The following PKHD1 variants were observed in gnomAD, a reference collection of about 807,000 sequenced individuals.
PKHD1 encodes PKHD1 ciliary IPT domain containing fibrocystin/polyductin, also known as fibrocystin.
Under a neutral mutation model 412.0 loss-of-function variants are expected in PKHD1, and 291 were observed. The ratio of observed to expected loss-of-function variants is 0.71; its 90% CI spans 0.64 to 0.78. The LOEUF (loss-of-function observed/expected upper bound fraction) is 0.78. Among genes scored for constraint, PKHD1 ranks in the 30% least tolerant of loss-of-function variants. PKHD1 has a pLI of 0.00. For synonymous variants in PKHD1, 1,777 were observed against 1,821.5 expected (o/e 0.98, Z 0.62); for missense variants, 4,825 against 4,950.7 (o/e 0.97, Z 0.76).
chr6:52,055,663 C>A lies in PKHD1; in HGVS notation c.1760G>T (p.Ser587Ile), dbSNP rs769095204. The A allele has an allele frequency of 4.3e-6, 7 of 1,613,520 alleles. No individual in the cohort carries two copies. In the Admixed American group the frequency reaches 6.7e-5, roughly 15 times the overall value. Residue 587 changes from serine (S) to isoleucine (I), a missense_variant, in exon 19 of 67, where the codon AGC (serine) becomes ATC (isoleucine). Coordinates refer to ENST00000371117, the MANE Select transcript of PKHD1 (RefSeq NM_138694.4). ...GACAAGGTGTCGAGGCTGACGGAGG[C>A]TGAACCTGCCACAGAAGGGCTCCGT... ...SGTEPFCGRFSLRQPRHLVLT... is the reference protein window; with the variant it reads ...SGTEPFCGRFILRQPRHLVLT...
chr6:52,021,738 C>G (rs373072351), intron 33 of PKHD1, among the ~76,000 whole-genome samples: 1 of 151,866 alleles, frequency 6.6e-6, no homozygotes, highest in South Asian at 2.1e-4. Context: ...TTTCTCCTCC[C>G]CTTCTTCTTC....
At chr6:51,663,059 G>A (rs777833247) in intron 60 of PKHD1, among the ~76,000 whole-genome samples, 3 of 151,894 alleles carry the variant, frequency 2.0e-5, no homozygotes, top group Non-Finnish European at 4.4e-5. Flanking sequence ...CAGTATGAAG[G>A]CAAATTAATT....
chr6:52,074,481 C>T (rs1267875869), intron 6 of PKHD1, among the ~76,000 whole-genome samples: 1 of 152,142 alleles, frequency 6.6e-6, no homozygotes, highest in Admixed American at 6.5e-5. Flanking sequence ...CAGAATAATT[C>T]TAATTTTAAT....
intron 60 of PKHD1, chr6:51,721,151 C>T: frequency 2.1e-6 from 2 of 956,402 alleles, no homozygotes; most frequent in East Asian, 1.2e-4. Flanking sequence ...ACACTGGGCA[C>T]ATGGGAGTTA....
At position 52,076,287 on chromosome 6, in the gene PKHD1, C is replaced by T. The variant is rs757914423; in HGVS notation, c.437G>A (p.Ser146Asn). Residue 146 changes from serine (S) to asparagine (N), a missense_variant, in exon 6 of 67, where the codon AGT becomes AAT. By Grantham distance (46) the Ser-to-Asn change is conservative (BLOSUM62 1). Coordinates refer to ENST00000371117, the MANE Select transcript of PKHD1 (RefSeq NM_138694.4). ...AGAAGATTTCTTACCTGGAACACCA[C>T]TTGGTGGATAAACTTGGTGAACGAT... is the stretch of plus-strand genomic sequence containing the variant. ...TPIVHQVYPP[S>N]GVPGKLIHVY... The T allele has an allele frequency of 1.7e-5, 28 of 1,610,310 alleles. No individual in the cohort carries two copies. The highest frequency in any genetic ancestry group is 2.4e-5 in the Non-Finnish European group (28 of 1,176,728).
chr6:51,850,706 G>A (rs1281159650), intron 49 of PKHD1, among the ~76,000 whole-genome samples: 1 of 152,138 alleles, frequency 6.6e-6, no homozygotes, highest in Non-Finnish European at 1.5e-5. Context: ...CCTATTGTTG[G>A]TGTAAAGGAA....
intron 55 of PKHD1, among the ~76,000 whole-genome samples, chr6:51,764,580 C>G (rs1033572163): frequency 6.6e-6 from 1 of 150,624 alleles, no homozygotes; most frequent in African/African-American, 2.4e-5. Context: ...ACCCAAATGA[C>G]TATAAATCAT....
chr6:52,044,985 G>C lies in PKHD1; in HGVS notation c.2696C>G (p.Thr899Ser). The change falls in exon 25 of 67, where the codon ACT becomes AGT. Residue 899 changes from threonine to serine, a missense_variant. Thr to Ser is a moderately conservative substitution (Grantham distance 58). Transcript: ENST00000371117. ...TCTCACCTGAGTATGCTGGTTGGCAGTAGCCAACATGTCTCCAAATATGGG... is the reference window on the plus strand; with the variant it reads ...TCTCACCTGAGTATGCTGGTTGGCACTAGCCAACATGTCTCCAAATATGGG... Reference protein sequence around the residue: ...LGPIFGDMLATANQHTQVVVR... With the variant: ...LGPIFGDMLASANQHTQVVVR... The C allele has an allele frequency of 6.2e-7, 1 of 1,613,518 alleles. No homozygotes were observed.
intron 63 of PKHD1, among the ~76,000 whole-genome samples, chr6:51,647,040 G>C (rs1770174215): frequency 1.3e-5 from 2 of 152,120 alleles, no homozygotes; most frequent in South Asian, 4.1e-4. Context: ...TCCAGCACCT[G>C]TCTCACTTTT....
At chr6:52,058,893 G>A (rs1157544871) in intron 15 of PKHD1, among the ~76,000 whole-genome samples, 1 of 152,122 alleles carries the variant, frequency 6.6e-6, no homozygotes, top group Non-Finnish European at 1.5e-5. Context: ...AGGATTACAT[G>A]ACACTATGGA....
intron 48 of PKHD1, among the ~76,000 whole-genome samples, chr6:51,863,861 TA>T (rs1774612540): frequency 6.6e-6 from 1 of 152,204 alleles, no homozygotes; most frequent in Non-Finnish European, 1.5e-5. Context: ...TTTTTATTTA[TA>T]TTTTTTTACT....
At chr6:51,710,741 T>A (rs1407780669) in intron 60 of PKHD1, among the ~76,000 whole-genome samples, 1 of 152,154 alleles carries the variant, frequency 6.6e-6, no homozygotes, top group Non-Finnish European at 1.5e-5. Context: ...TATTAGGCAG[T>A]AATCTTATGT....
In PKHD1 at chr6:52,064,988, C is replaced by T. The variant is rs1809307617; in HGVS notation, c.943G>A (p.Gly315Arg). The T allele has an allele frequency of 1.2e-6, 2 of 1,604,762 alleles. No homozygotes were observed. Among genetic ancestry groups the T allele is most frequent in the Non-Finnish European group, 8.5e-7 (1 of 1,176,296 alleles). The change falls in exon 13 of 67, where the codon GGA becomes AGA. Residue 315 changes from glycine (G) to arginine (R), a missense_variant. By Grantham distance (125) the Gly-to-Arg change is moderately radical (BLOSUM62 -2). Coordinates refer to ENST00000371117, the MANE Select transcript of PKHD1 (RefSeq NM_138694.4). ...RKIECTTRAP[G>R]KDVRLTTPQP... ...GGGGTGGTGAGCCTCACATCTTTTC[C>T]TGGAGCCCGAGTGGTGCACTCAATC...
chr6:51,638,967 G>A lies in PKHD1; in HGVS notation c.11399-11C>T. Reference sequence around the variant, plus strand: ...CTGCCTGGGTGCACCCTACAAAAAAGTACAAAACAAAAATTAGCTGTTTAT... The same window carrying A: ...CTGCCTGGGTGCACCCTACAAAAAAATACAAAACAAAAATTAGCTGTTTAT... On this transcript the variant is annotated splice_polypyrimidine_tract_variant and intron_variant, in intron 63 of 66. Transcript: ENST00000371117. 1.3e-6 allele frequency: 2 copies of A among 1,581,924 alleles called. No individual in the cohort carries two copies. Among genetic ancestry groups the A allele is most frequent in the Non-Finnish European group, 1.7e-6 (2 of 1,150,714 alleles).
At chr6:51,914,313 C>T (rs763824195) in intron 37 of PKHD1, among the ~76,000 whole-genome samples, 2 of 152,072 alleles carry the variant, frequency 1.3e-5, no homozygotes, top group Non-Finnish European at 2.9e-5. Flanking sequence ...AAAAAAGTTA[C>T]ATCTTTGTAA....
At chr6:51,885,839 CAAT>C (rs1778118573) in intron 45 of PKHD1, 25 bp downstream of exon 45, 3 of 1,396,596 alleles carry the variant, frequency 2.1e-6, no homozygotes, top group Non-Finnish European at 3.0e-6. Context: ...AAAACAACAA[CAAT>C]AACAACAACA....
intron 36 of PKHD1, among the ~76,000 whole-genome samples, chr6:51,948,572 G>A (rs919785391): frequency 7.9e-5 from 12 of 152,164 alleles, no homozygotes; most frequent in Admixed American, 7.9e-4. Flanking sequence ...AACACCATGA[G>A]AGCAAGATTT....
At chr6:51,658,533 T>C (rs1772260020) in intron 61 of PKHD1, among the ~76,000 whole-genome samples, 1 of 152,114 alleles carries the variant, frequency 6.6e-6, no homozygotes, top group African/African-American at 2.4e-5. Context: ...TAATAGCTTA[T>C]TAGCACTATC....
intron 33 of PKHD1, among the ~76,000 whole-genome samples, chr6:52,022,247 T>C (rs1393226287): frequency 6.6e-6 from 1 of 152,234 alleles, no homozygotes; most frequent in Non-Finnish European, 1.5e-5. Context: ...TTGTGGTGTT[T>C]TACTGAATAA....
Sources: allele counts gnomAD v4.1 joint callset (sites outside exome capture counted in the v4.1 genomes callset), GRCh38; gene constraint gnomAD v4.1.1; transcripts MANE v1.5; gene names NCBI Gene and HGNC (gene_info 2026-07-23, HGNC 2026-07-21).